The following GABRG3 variants were observed in gnomAD, a reference collection of about 807,000 sequenced individuals.
GABRG3 encodes gamma-aminobutyric acid receptor subunit gamma-3.
A neutral mutation model predicts 48.8 loss-of-function variants in GABRG3; 25 were observed. That is an observed-to-expected ratio of 0.51 (90% CI 0.37 to 0.72). The LOEUF is 0.72. Ranked by LOEUF, GABRG3 falls within the 30% of genes least tolerant of loss-of-function variation. The probability of loss-of-function intolerance (pLI) is 0.00; values close to 1 mark genes in which losing one functional copy is unlikely to be tolerated. For synonymous variants in GABRG3, 227 were observed against 217.6 expected (o/e 1.04, Z -0.38); for missense variants, 394 against 577.9 (o/e 0.68, Z 3.26).
chr15:27,146,300 A>G (rs1351752311), intron 3 of GABRG3, among the ~76,000 whole-genome samples: 1 of 152,096 alleles, frequency 6.6e-6, no homozygotes, highest in East Asian at 1.9e-4. Context: ...TAAAATAAAT[A>G]CAAAAAGTTA....
intron 3 of GABRG3, among the ~76,000 whole-genome samples, chr15:27,257,570 A>G (rs906499162): frequency 1.3e-5 from 2 of 152,202 alleles, no homozygotes; most frequent in East Asian, 1.9e-4. Context: ...ATAAGGGTCC[A>G]TCTAGTTTTA....
At chr15:27,267,145 T>C (rs35811155) in intron 3 of GABRG3, among the ~76,000 whole-genome samples, 82,924 of 141,406 alleles carry the variant, frequency 0.59, 25,233 homozygotes, top group Non-Finnish European at 0.65. Flanking sequence ...TTGCTCTTGT[T>C]GCCCAGGCTG....
intron 3 of GABRG3, among the ~76,000 whole-genome samples, chr15:27,165,063 A>G (rs1434097982): frequency 1.3e-5 from 2 of 152,342 alleles, no homozygotes; most frequent in East Asian, 3.9e-4. Flanking sequence ...GCTTCTGAAT[A>G]TTTTTACTAG....
At chr15:27,307,325 T>G (rs1892621239) in intron 3 of GABRG3, among the ~76,000 whole-genome samples, 1 of 140,910 alleles carries the variant, frequency 7.1e-6, no homozygotes, top group Non-Finnish European at 1.5e-5. Context: ...TTATATATGT[T>G]TATATATAAC....
intron 5 of GABRG3, chr15:27,418,658 G>A (rs1054672436): frequency 6.6e-6 from 1 of 152,210 alleles, no homozygotes; most frequent in African/African-American, 2.4e-5. Flanking sequence ...AGCTTCTAGA[G>A]AAAGAGTGCA....
At chr15:27,466,467 CTTAT>C (rs10574654) in intron 5 of GABRG3, among the ~76,000 whole-genome samples, 58,485 of 151,866 alleles carry the variant, frequency 0.39, 14,788 homozygotes, top group African/African-American at 0.71. Context: ...CAAAGCAGAA[CTTAT>C]TTCTTATTGC....
intron 7 of GABRG3, among the ~76,000 whole-genome samples, chr15:27,526,826 C>A (rs1238198039): frequency 6.6e-6 from 1 of 152,222 alleles, no homozygotes; most frequent in African/African-American, 2.4e-5. Flanking sequence ...GGGGGACAAG[C>A]AAACAAAGAC....
intron 3 of GABRG3, among the ~76,000 whole-genome samples, chr15:27,076,733 G>A (rs566782403): frequency 3.3e-5 from 5 of 152,220 alleles, no homozygotes; most frequent in African/African-American, 1.2e-4. Flanking sequence ...GATAAGGCAG[G>A]GCATGGAGTG....
At chr15:27,095,973 C>G (rs1897260549) in intron 3 of GABRG3, among the ~76,000 whole-genome samples, 1 of 152,204 alleles carries the variant, frequency 6.6e-6, no homozygotes, top group African/African-American at 2.4e-5. Flanking sequence ...GCGGTTCAGC[C>G]CAACCTGGAT....
chr15:27,117,497 A>G (rs1320637886), intron 3 of GABRG3, among the ~76,000 whole-genome samples: 5 of 152,176 alleles, frequency 3.3e-5, no homozygotes, highest in Admixed American at 2.0e-4. Flanking sequence ...GGGTTGGGTC[A>G]AAGGGACTCC....
chr15:27,236,892 C>G lies in GABRG3; in HGVS notation c.271-89917C>G, dbSNP rs866722293. 6.6e-6 allele frequency among the ~76,000 whole-genome samples: 1 copy of G among 152,230 alleles called. No individual in the cohort carries two copies. The highest frequency in any genetic ancestry group is 6.5e-5 in the Admixed American group (1 of 15,284). On this transcript the variant is annotated intron_variant, in intron 3 of 9. Transcript: ENST00000615808. The surrounding 1 kb of genome is among the most constrained non-coding windows in gnomAD (Gnocchi z 4.4). Reference sequence around the variant, plus strand: ...TATTGAATATACGTATCCATCCCCCCACTCAGCAGACATTCCTGCTCCCTT... The same window carrying G: ...TATTGAATATACGTATCCATCCCCCGACTCAGCAGACATTCCTGCTCCCTT...
At chr15:27,326,556 C>T (rs1050477100) in intron 3 of GABRG3, among the ~76,000 whole-genome samples, 23 of 152,130 alleles carry the variant, frequency 1.5e-4, no homozygotes, top group African/African-American at 4.8e-4. Context: ...TCTCTCTTAG[C>T]CCCTCTTCAC....
intron 2 of GABRG3, among the ~76,000 whole-genome samples, chr15:27,014,688 CAT>C (rs1298178306): frequency 6.6e-6 from 1 of 152,096 alleles, no homozygotes; most frequent in East Asian, 1.9e-4. Flanking sequence ...TGTGGACTAA[CAT>C]GTCTTCTATC....
intron 3 of GABRG3, among the ~76,000 whole-genome samples, chr15:27,259,002 A>G (rs572090319): frequency 2.9e-4 from 44 of 152,114 alleles, no homozygotes; most frequent in African/African-American, 1.0e-3. Flanking sequence ...AACATGTGGT[A>G]TTTATCTGAG....
At chr15:27,101,842 TAAAAAAAAAA>T (rs55887752) in intron 3 of GABRG3, among the ~76,000 whole-genome samples, 1 of 72,526 alleles carries the variant, frequency 1.4e-5, no homozygotes, top group African/African-American at 5.4e-5. Context: ...GCTGATGAGC[TAAAAAAAAAA>T]AAAAAAAAAA....
chr15:27,097,997 AAAG>A (rs1313898128), intron 3 of GABRG3, among the ~76,000 whole-genome samples: 1 of 151,964 alleles, frequency 6.6e-6, no homozygotes, highest in Non-Finnish European at 1.5e-5. Flanking sequence ...AGAAAAAAAA[AAAG>A]AAACTGTAAC....
At chr15:26,983,242 C>T (rs1895087331) in intron 2 of GABRG3, among the ~76,000 whole-genome samples, 1 of 151,368 alleles carries the variant, frequency 6.6e-6, no homozygotes, top group Admixed American at 6.6e-5. Flanking sequence ...CTTATATGTA[C>T]ATAATGTGCT....
intron 3 of GABRG3, among the ~76,000 whole-genome samples, chr15:27,192,433 C>CT (rs1438675908): frequency 5.9e-5 from 9 of 152,068 alleles, no homozygotes; most frequent in Non-Finnish European, 1.2e-4. Flanking sequence ...TCTTTTTATT[C>CT]TTTTTTCTCT....
chr15:27,451,348 C>A (rs1172724336), intron 5 of GABRG3, among the ~76,000 whole-genome samples: 1 of 151,904 alleles, frequency 6.6e-6, no homozygotes, highest in African/African-American at 2.4e-5. Context: ...AAACACAAAC[C>A]AATGGAACAG....
Sources: gnomAD v4.1 joint callset for allele counts (sites outside exome capture counted in the v4.1 genomes callset) on GRCh38, gnomAD v4.1.1 for gene constraint, Gnocchi (gnomAD v3.1) non-coding constraint, MANE v1.5 for transcripts, NCBI Gene and HGNC (gene_info 2026-07-23, HGNC 2026-07-21) for gene names.